LRP2: variants seen among roughly 807,000 people sequenced by gnomAD.
LRP2 encodes low-density lipoprotein receptor-related protein 2.
LRP2 carries 172 observed loss-of-function variants against 531.0 expected under a neutral mutation model. The ratio of observed to expected loss-of-function variants is 0.32; its 90% CI spans 0.29 to 0.37. LRP2 has a LOEUF of 0.37. LRP2 is among the 10% of genes least tolerant of loss of function. The probability of loss-of-function intolerance (pLI) is 1.00; values close to 1 mark genes in which losing one functional copy is unlikely to be tolerated. For synonymous variants in LRP2, 1,992 were observed against 2,027.6 expected (o/e 0.98, Z 0.47); for missense variants, 5,167 against 5,868.3 (o/e 0.88, Z 3.90).
chr2:169,157,449 G>T lies in LRP2; in HGVS notation c.11941C>A (p.Gln3981Lys). The T allele has an allele frequency of 1.9e-6, 3 of 1,613,058 alleles. No individual in the cohort carries two copies. The African/African-American group carries it at 4.0e-5, about 22-fold the overall frequency. Residue 3981 changes from glutamine (Q) to lysine (K), a missense_variant, in exon 64 of 79, where the codon CAA becomes AAA. By Grantham distance (53) the Gln-to-Lys change is moderately conservative (BLOSUM62 1). Around this residue, in one of 6 missense-constraint regions of LRP2, gnomAD observed 564 missense variants for 747.7 expected, o/e 0.75. Coordinates refer to ENST00000649046, the MANE Select transcript of LRP2 (RefSeq NM_004525.3). ...AENICEQNCT[Q>K]LNEGGFICSC... ...CAGATAAATCCTCCTTCATTTAATT[G>T]GGTACAATTTTGCTCGCATATATTT... is the stretch of plus-strand genomic sequence containing the variant.
rs1317164576 is a variant in LRP2, at chr2:169,128,706, A to C, written c.13925T>G (p.Phe4642Cys). 6.2e-7 allele frequency: 1 copy of C among 1,614,040 alleles called. No homozygotes were observed. The highest frequency in any genetic ancestry group is 8.5e-7 in the Non-Finnish European group (1 of 1,179,998). ...TPTYSATEDT[F>C]KDTANLVKED... The stretch of plus-strand genomic sequence containing the variant: ...TTTAACAAGATTTGCGGTGTCTTTA[A>C]AAGTGTCTTCTGTTGCAGAATAGGT... The change falls in exon 79 of 79, where the codon TTT becomes TGT. Residue 4642 changes from phenylalanine to cysteine, a missense_variant. Around this residue, in one of 6 missense-constraint regions of LRP2, gnomAD observed 348 missense variants for 369.3 expected, o/e 0.94. Transcript: ENST00000649046.
At chr2:169,198,573 C>A (rs533797733) in intron 45 of LRP2, among the ~76,000 whole-genome samples, 73 of 152,266 alleles carry the variant, frequency 4.8e-4, no homozygotes, top group Non-Finnish European at 9.1e-4. Context: ...AAGAAATATT[C>A]AGGGTCTGGG....
chr2:169,309,468 T>C (rs1684529919), intron 3 of LRP2, among the ~76,000 whole-genome samples: 1 of 152,246 alleles, frequency 6.6e-6, no homozygotes, highest in Non-Finnish European at 1.5e-5. Flanking sequence ...CAACACCATG[T>C]ATTAAATAGG....
At position 169,299,151 on chromosome 2, in the gene LRP2, GAAAGAAAA is replaced by G. The variant is rs1217943164; in HGVS notation, c.428-4449_428-4442del. On this transcript the variant is annotated intron_variant, in intron 4 of 78. Coordinates refer to ENST00000649046, the MANE Select transcript of LRP2 (RefSeq NM_004525.3). The stretch of plus-strand genomic sequence containing the variant: ...AGAAAGAAAGAAAGAAAGAAAGAAA[GAAAGAAAA>G]AAAGAAAGAAAGAAAAAGAAAGAAA... Among the ~76,000 whole-genome samples the G allele has an allele frequency of 2.4e-3, 80 of 33,068 alleles. 5 individuals are homozygous for G. The highest frequency in any genetic ancestry group is 5.7e-3 in the East Asian group (8 of 1,400). The allele number at this position is 33,068 out of a possible 152,430, so 21.7% of individuals were successfully genotyped here.
chr2:169,355,817 A>G (rs569502220), intron 1 of LRP2, among the ~76,000 whole-genome samples: 1 of 152,310 alleles, frequency 6.6e-6, no homozygotes, highest in South Asian at 2.1e-4. Flanking sequence ...GAAATTGCCA[A>G]TATTTGACTA....
chr2:169,233,249 G>A (rs951385186), intron 30 of LRP2, among the ~76,000 whole-genome samples, 162 bp downstream of exon 30: 1 of 152,168 alleles, frequency 6.6e-6, no homozygotes, highest in Non-Finnish European at 1.5e-5. Context: ...AAAAGTAATG[G>A]CAATGTCAGG....
chr2:169,205,691 T>TAA (rs113353000), intron 40 of LRP2, 54 bp from the exon 41 acceptor site: 844 of 1,218,572 alleles, frequency 6.9e-4, no homozygotes, highest in African/African-American at 1.8e-3. Context: ...CATAGTCCTT[T>TAA]AAAAAAAAAA....
At chr2:169,209,732 C>T in intron 37 of LRP2, 91 bp from the exon 38 acceptor site, 4 of 1,223,392 alleles carry the variant, frequency 3.3e-6, no homozygotes, top group Non-Finnish European at 4.7e-6. Flanking sequence ...TCATTCCCAA[C>T]CCCCTGCTCT....
chr2:169,198,755 G>A (rs377694673), intron 45 of LRP2, 31 bp downstream of exon 45: 14 of 1,610,256 alleles, frequency 8.7e-6, no homozygotes, highest in Middle Eastern at 1.6e-4. Flanking sequence ...TCTCTGGAAC[G>A]ATAGAAAGAA....
At position 169,139,263 on chromosome 2, in the gene LRP2, G is replaced by A; in HGVS notation, c.13376C>T (p.Pro4459Leu). Reference sequence around the variant, plus strand: ...TAATGAAACTGACCTTGGCAGCTTGGGCAGAGCAGGCAAAAGGGAGCCGGT... The same window carrying A: ...TAATGAAACTGACCTTGGCAGCTTGAGCAGAGCAGGCAAAAGGGAGCCGGT... ...RRTGSLLPAL[P>L]KLPSLSSLVK... Residue 4459 changes from proline to leucine, a missense_variant, in exon 74 of 79, where the codon CCC (proline) becomes CTC (leucine). This residue lies in a region of LRP2 where 348 missense variants were observed against 369.3 expected (regional missense o/e 0.94). Transcript: ENST00000649046. 2 of 1,614,138 alleles carry A rather than the reference G, an allele frequency of 1.2e-6. No individual in the cohort carries two copies. Among genetic ancestry groups the A allele is most frequent in the Non-Finnish European group, 1.7e-6 (2 of 1,180,012 alleles).
chr2:169,275,302 G>C, intron 13 of LRP2, 64 bp from the exon 14 acceptor site: 1 of 1,279,612 alleles, frequency 7.8e-7, no homozygotes, highest in Non-Finnish European at 1.1e-6. Context: ...AATTAAAGCT[G>C]TAGTTAGTTC....
intron 63 of LRP2, among the ~76,000 whole-genome samples, chr2:169,160,639 G>A (rs568985149): frequency 6.9e-6 from 1 of 145,252 alleles, no homozygotes; most frequent in African/African-American, 2.6e-5. Flanking sequence ...TCTGAAAAGA[G>A]AAGCTGCTTC....
At chr2:169,167,671 G>A (rs1393627746) in intron 61 of LRP2, among the ~76,000 whole-genome samples, 1 of 151,914 alleles carries the variant, frequency 6.6e-6, no homozygotes, top group Non-Finnish European at 1.5e-5. Flanking sequence ...CCATGAATTT[G>A]CATTTCTAAC....
intron 1 of LRP2, among the ~76,000 whole-genome samples, chr2:169,338,080 C>T (rs1055944305): frequency 6.6e-6 from 1 of 151,456 alleles, no homozygotes; most frequent in African/African-American, 2.4e-5. Context: ...GCACTGCACT[C>T]CAGCCTGACT....
At chr2:169,266,886 T>C (rs1402695391) in intron 16 of LRP2, among the ~76,000 whole-genome samples, 2 of 4,012 alleles carry the variant, frequency 5.0e-4, no homozygotes, top group South Asian at 0.011. Context: ...TTGTAACCTT[T>C]TTTTTTTTTT....
chr2:169,190,154 T>C (rs184781549), intron 48 of LRP2, among the ~76,000 whole-genome samples: 92 of 152,330 alleles, frequency 6.0e-4, no homozygotes, highest in African/African-American at 2.0e-3. Flanking sequence ...TGCAACACAA[T>C]AGAACTCTTG....
At chr2:169,287,603 G>A (rs535256449) in intron 9 of LRP2, among the ~76,000 whole-genome samples, 2 of 151,556 alleles carry the variant, frequency 1.3e-5, no homozygotes, top group African/African-American at 4.8e-5. Context: ...TTTATTTCTG[G>A]TATCAATACA....
chr2:169,330,554 T>G (rs700551), intron 1 of LRP2, among the ~76,000 whole-genome samples: 1 of 152,172 alleles, frequency 6.6e-6, no homozygotes, highest in African/African-American at 2.4e-5. Flanking sequence ...CTACAGAACA[T>G]TATAAGCAAA....
Position 169,213,737 on chromosome 2 carries a change from T to C in LRP2, c.5960A>G (p.Asp1987Gly). ...TATTTTGTTGGCCCCAGTGGCCTTA[T>C]CAACTCTTTCAATGACCTCATACTG... Reference protein sequence around the residue: ...DEQYEVIERVDKATGANKIVL... With the variant: ...DEQYEVIERVGKATGANKIVL... Residue 1987 changes from aspartate (D) to glycine (G), a missense_variant, in exon 36 of 79, where the codon GAT becomes GGT. Coordinates refer to ENST00000649046, the MANE Select transcript of LRP2 (RefSeq NM_004525.3). 4 of 1,613,820 alleles carry C rather than the reference T, an allele frequency of 2.5e-6. No individual in the cohort carries two copies. The highest frequency in any genetic ancestry group is 3.4e-6 in the Non-Finnish European group (4 of 1,179,770).
Sources: allele counts gnomAD v4.1 joint callset (sites outside exome capture counted in the v4.1 genomes callset), GRCh38; gene constraint gnomAD v4.1.1; regional missense constraint gnomAD v4.1.1; transcripts MANE v1.5; gene names NCBI Gene and HGNC (gene_info 2026-07-23, HGNC 2026-07-21).